RAB11FIP4: variants seen among roughly 807,000 people sequenced by gnomAD.
RAB11FIP4 encodes RAB11 family interacting protein 4, also known as rab11 family-interacting protein 4.
Under a neutral mutation model 74.3 loss-of-function variants are expected in RAB11FIP4, and 23 were observed. The observed-to-expected ratio is 0.31, with a 90% CI of 0.22 to 0.44. The LOEUF is 0.44. Among genes scored for constraint, RAB11FIP4 ranks in the 20% least tolerant of loss-of-function variants. RAB11FIP4 has a pLI of 1.00. For synonymous variants in RAB11FIP4, 360 were observed against 359.9 expected (o/e 1.00, Z 0.00); for missense variants, 630 against 863.9 (o/e 0.73, Z 3.39).
At position 31,512,037 on chromosome 17, in the gene RAB11FIP4, C is replaced by T. The variant is rs1450598636; in HGVS notation, c.337-5614C>T. On this transcript the variant is annotated intron_variant, in intron 3 of 14. Coordinates refer to ENST00000621161, the MANE Select transcript of RAB11FIP4 (RefSeq NM_032932.6). This position sits in a 1 kb window ranked among gnomAD's most constrained non-coding sequence, Gnocchi z 4.1. ...GAGTGGCTGGCTGGATCCTGTTCTC[C>T]AGCTCTCTCCAGAATGCCCTGGCCT... Among the ~76,000 whole-genome samples, 6 of 152,168 alleles carry T rather than the reference C, an allele frequency of 3.9e-5. No homozygotes were observed. Among genetic ancestry groups the T allele is most frequent in the African/African-American group, 1.4e-4 (6 of 41,454 alleles).
In RAB11FIP4 at chr17:31,391,887, C is replaced by G; in HGVS notation, c.35C>G (p.Ala12Gly). 1 of 1,209,642 alleles carries G rather than the reference C, an allele frequency of 8.3e-7. No homozygotes were observed. The highest frequency in any genetic ancestry group is 1.6e-5 in the African/African-American group (1 of 62,654). 74.9% of individuals were successfully genotyped at this position (1,209,642 alleles called of 1,614,324 possible). The change falls in exon 1 of 15, where the codon GCG becomes GGG. Residue 12 changes from alanine (A) to glycine (G), a missense_variant. Physicochemically the swap from Ala to Gly is moderately conservative, Grantham distance 60 (BLOSUM62 0). Transcript: ENST00000621161. The part of the protein sequence containing the change: ...AGGAGWSGAP[A>G]ALLRSVRRLR... ...GGCGCGGGCTGGTCGGGCGCCCCCG[C>G]GGCTCTGCTGCGCTCCGTGCGCCGC...
intron 3 of RAB11FIP4, among the ~76,000 whole-genome samples, chr17:31,489,308 G>A (rs192025056): frequency 3.2e-4 from 49 of 152,332 alleles, no homozygotes; most frequent in Admixed American, 2.2e-3. Context: ...CCCAGGTCCT[G>A]GCCCAGCTGA....
intron 1 of RAB11FIP4, among the ~76,000 whole-genome samples, chr17:31,409,900 G>A (rs573018973): frequency 6.6e-6 from 1 of 152,174 alleles, no homozygotes; most frequent in South Asian, 2.1e-4. Flanking sequence ...GTTCCTCTCT[G>A]CTTCTTGAGG....
At chr17:31,479,117 T>G (rs558752077) in intron 3 of RAB11FIP4, among the ~76,000 whole-genome samples, 1 of 152,198 alleles carries the variant, frequency 6.6e-6, no homozygotes, top group Non-Finnish European at 1.5e-5. Flanking sequence ...TGCAGTAACA[T>G]CTACTCTACA....
chr17:31,503,193 T>C (rs8070244), intron 3 of RAB11FIP4, among the ~76,000 whole-genome samples: 104,556 of 150,586 alleles, frequency 0.69, 36,916 homozygotes, highest in African/African-American at 0.83. Context: ...CCACCACGCC[T>C]GGCTAATTTT....
chr17:31,428,287 A>G (rs2071273084), intron 1 of RAB11FIP4, among the ~76,000 whole-genome samples: 1 of 152,226 alleles, frequency 6.6e-6, no homozygotes, highest in South Asian at 2.1e-4. Flanking sequence ...GCATGCAAGA[A>G]AAACGTGGTC....
rs1176366507 is a variant in RAB11FIP4 at position 31,431,954 on chromosome 17, G to A, written c.247+54G>A. 4.4e-6 allele frequency: 6 copies of A among 1,350,640 alleles called. 1 individual carries two copies. Among genetic ancestry groups the A allele is most frequent in the South Asian group, 2.4e-5 (2 of 83,008 alleles). The allele number at this position is 1,350,640 out of a possible 1,614,324, so 83.7% of individuals were successfully genotyped here. On this transcript the variant is annotated intron_variant, in intron 2 of 14. Coordinates refer to ENST00000621161, the MANE Select transcript of RAB11FIP4 (RefSeq NM_032932.6). Reference sequence around the variant, plus strand: ...GCGCTCTCCGGTCCTGCCCAGCTGGGGAAGCTGGTGTGACTGGGGGCCCAG... The same window carrying A: ...GCGCTCTCCGGTCCTGCCCAGCTGGAGAAGCTGGTGTGACTGGGGGCCCAG...
chr17:31,483,756 T>G (rs1352832717), intron 3 of RAB11FIP4, among the ~76,000 whole-genome samples: 2 of 152,178 alleles, frequency 1.3e-5, no homozygotes, highest in Admixed American at 1.3e-4. Flanking sequence ...TAACATTAGG[T>G]AATGTTCAGA....
chr17:31,522,314 G>A (rs535328275), intron 6 of RAB11FIP4, 46 bp from the exon 7 acceptor site: 5 of 1,594,038 alleles, frequency 3.1e-6, no homozygotes, highest in East Asian at 4.5e-5. Flanking sequence ...GTAAGGGAGT[G>A]GACTAGAACC....
Position 31,431,040 on chromosome 17 carries a change from G to GT in RAB11FIP4, c.160-771dup, listed in dbSNP as rs569575673. ...AAGTCAAGGATCTGAGAGGCCGGGGGTTGATGGGTCATCCACACAGCTGCA... is the reference window on the plus strand; with the variant it reads ...AAGTCAAGGATCTGAGAGGCCGGGGGTTTGATGGGTCATCCACACAGCTGCA... On this transcript the variant is annotated intron_variant, in intron 1 of 14. Transcript: ENST00000621161. 5.5e-3 allele frequency among the ~76,000 whole-genome samples: 844 copies of GT among 152,238 alleles called. 5 individuals are homozygous for GT. The highest frequency in any genetic ancestry group is 0.012 in the South Asian group (60 of 4,824).
At chr17:31,509,698 C>T (rs965349814) in intron 3 of RAB11FIP4, among the ~76,000 whole-genome samples, 1 of 152,144 alleles carries the variant, frequency 6.6e-6, no homozygotes, top group African/African-American at 2.4e-5. Flanking sequence ...GGCTGCAGAG[C>T]TTTGATCTCA....
At chr17:31,467,776 C>T (rs1372070710) in intron 3 of RAB11FIP4, among the ~76,000 whole-genome samples, 1 of 152,238 alleles carries the variant, frequency 6.6e-6, no homozygotes, top group Non-Finnish European at 1.5e-5. Context: ...AGGGCAGCTC[C>T]ATTACCGCTC....
At chr17:31,405,126 T>G (rs1424461146) in intron 1 of RAB11FIP4, among the ~76,000 whole-genome samples, 2 of 151,722 alleles carry the variant, frequency 1.3e-5, no homozygotes, top group Middle Eastern at 3.2e-3. Flanking sequence ...GAGAAGGGGC[T>G]GAGGTGGGAG....
intron 3 of RAB11FIP4, among the ~76,000 whole-genome samples, chr17:31,437,721 C>A (rs1191808484): frequency 6.6e-6 from 1 of 152,156 alleles, no homozygotes; most frequent in African/African-American, 2.4e-5. Flanking sequence ...GCAGTGAATG[C>A]TTGAGTGCTG....
At chr17:31,491,403 T>C (rs1567674317) in intron 3 of RAB11FIP4, among the ~76,000 whole-genome samples, 1 of 151,930 alleles carries the variant, frequency 6.6e-6, no homozygotes, top group African/African-American at 2.4e-5. Context: ...CGCAGGATGG[T>C]AGTGAGGCAG....
At chr17:31,468,919 G>A (rs1356543882) in intron 3 of RAB11FIP4, among the ~76,000 whole-genome samples, 1 of 152,124 alleles carries the variant, frequency 6.6e-6, no homozygotes, top group South Asian at 2.1e-4. Context: ...GAGCACGTGA[G>A]GGTCCTAGAA....
At chr17:31,492,723 T>C (rs968204876) in intron 3 of RAB11FIP4, among the ~76,000 whole-genome samples, 7 of 152,158 alleles carry the variant, frequency 4.6e-5, no homozygotes, top group Non-Finnish European at 8.8e-5. Context: ...ATACTGTTAA[T>C]TGAATGGAAT....
Position 31,525,078 on chromosome 17 carries a change from C to T in RAB11FIP4, c.1134-12C>T, listed in dbSNP as rs1056832863. The T allele has an allele frequency of 2.7e-5, 42 of 1,550,040 alleles. No individual in the cohort carries two copies. The highest frequency in any genetic ancestry group is 2.1e-4 in the Middle Eastern group (1 of 4,856). On this transcript the variant is annotated splice_polypyrimidine_tract_variant and intron_variant, in intron 9 of 14. Coordinates refer to ENST00000621161, the MANE Select transcript of RAB11FIP4 (RefSeq NM_032932.6). ...GCAGGCCCCAAGAGCTTGCCCATTG[C>T]GCTGTCCTCAGGGTGCATGAGCTGG...
At chr17:31,438,556 C>A (rs2071381272) in intron 3 of RAB11FIP4, among the ~76,000 whole-genome samples, 1 of 152,084 alleles carries the variant, frequency 6.6e-6, no homozygotes, top group Non-Finnish European at 1.5e-5. Context: ...GGGCGTCCTC[C>A]TGTCCTCAGC....
Sources: gnomAD v4.1 joint callset for allele counts (sites outside exome capture counted in the v4.1 genomes callset) on GRCh38, gnomAD v4.1.1 for gene constraint, Gnocchi (gnomAD v3.1) non-coding constraint, MANE v1.5 for transcripts, NCBI Gene and HGNC (gene_info 2026-07-23, HGNC 2026-07-21) for gene names.